GRIA1: variants seen among roughly 807,000 people sequenced by gnomAD.
The protein encoded by GRIA1 is glutamate ionotropic receptor AMPA type subunit 1, also known as glutamate receptor 1.
In GRIA1, 31 loss-of-function variants were observed where a neutral mutation model predicts 99.2. That is an observed-to-expected ratio of 0.31 (90% confidence interval 0.23 to 0.42). GRIA1 has a LOEUF of 0.42. GRIA1 is among the 10% of genes least tolerant of loss of function. The pLI is 1.00. For missense variants in GRIA1, 782 were observed against 1,157.5 expected (o/e 0.68, Z 4.71); for synonymous variants, 438 against 432.4 (o/e 1.01, Z -0.16).
intron 13 of GRIA1, among the ~76,000 whole-genome samples, chr5:153,784,703 T>C (rs1764861103): frequency 6.6e-6 from 1 of 152,164 alleles, no homozygotes; most frequent in Non-Finnish European, 1.5e-5. Flanking sequence ...AGTTCACTCA[T>C]CACCCCAACC....
intron 11 of GRIA1, among the ~76,000 whole-genome samples, chr5:153,749,875 T>C (rs1762400921): frequency 6.6e-6 from 1 of 152,094 alleles, no homozygotes; most frequent in Non-Finnish European, 1.5e-5. Flanking sequence ...CGATTCTCTT[T>C]GAAATATAGC....
rs533997764 is a variant in GRIA1, at chr5:153,785,066, C to T, written c.2271-9555C>T. 2.6e-5 allele frequency among the ~76,000 whole-genome samples: 4 copies of T among 152,204 alleles called. No individual in the cohort carries two copies. In the South Asian group the frequency reaches 6.2e-4, roughly 24 times the overall value. On this transcript the variant is annotated intron_variant, in intron 13 of 15. Coordinates refer to ENST00000285900, the MANE Select transcript of GRIA1 (RefSeq NM_000827.4). ...CATCCCCTCGAAATGGTTTTTTATC[C>T]TCCACAGGCCTATGTGTGAGGGACT... is the stretch of plus-strand genomic sequence containing the variant.
chr5:153,646,910 C>A lies in GRIA1; in HGVS notation c.221-18C>A. ...TTTTTGCAGTCTTCTATTCATTAAT[C>A]CTTCTCTTCTCTTGTAGTCTGTTCC... On this transcript the variant is annotated intron_variant, in intron 2 of 15. Coordinates refer to ENST00000285900, the MANE Select transcript of GRIA1 (RefSeq NM_000827.4). 2 of 1,612,302 alleles carry A rather than the reference C, an allele frequency of 1.2e-6. No homozygotes were observed. Among genetic ancestry groups the A allele is most frequent in the Non-Finnish European group, 1.7e-6 (2 of 1,178,970 alleles).
intron 11 of GRIA1, among the ~76,000 whole-genome samples, chr5:153,756,161 C>G (rs538617774): frequency 1.3e-5 from 2 of 152,366 alleles, no homozygotes; most frequent in South Asian, 4.1e-4. Context: ...GGGAAACTCA[C>G]TCATACCTCA....
intron 11 of GRIA1, among the ~76,000 whole-genome samples, chr5:153,741,591 C>G (rs189359686): frequency 2.4e-4 from 36 of 152,256 alleles, no homozygotes; most frequent in Middle Eastern, 3.4e-3. Context: ...AGGAAATTCT[C>G]TAATATACAA....
chr5:153,673,481 TA>T (rs1756347979), intron 5 of GRIA1, among the ~76,000 whole-genome samples: 1 of 152,230 alleles, frequency 6.6e-6, no homozygotes, highest in Non-Finnish European at 1.5e-5. Context: ...TATTCACTAT[TA>T]GAATAGTGCA....
chr5:153,506,225 C>T (rs1755475496), intron 2 of GRIA1, among the ~76,000 whole-genome samples: 4 of 151,952 alleles, frequency 2.6e-5, no homozygotes, highest in Admixed American at 2.6e-4. Flanking sequence ...TATGCTAGGG[C>T]ATTCCTAACC....
chr5:153,660,553 G>T (rs1755293289), intron 5 of GRIA1, among the ~76,000 whole-genome samples: 1 of 152,202 alleles, frequency 6.6e-6, no homozygotes, highest in African/African-American at 2.4e-5. Flanking sequence ...AAGAGAGGGG[G>T]TTGTCCTGGA....
chr5:153,754,167 C>A (rs750720583), intron 11 of GRIA1, among the ~76,000 whole-genome samples: 6 of 152,104 alleles, frequency 3.9e-5, no homozygotes, highest in Non-Finnish European at 7.4e-5. Context: ...CAGCTCCCTG[C>A]GTTTAGTATG....
At chr5:153,590,795 T>C (rs569123203) in intron 2 of GRIA1, among the ~76,000 whole-genome samples, 1 of 152,332 alleles carries the variant, frequency 6.6e-6, no homozygotes, top group African/African-American at 2.4e-5. Flanking sequence ...GTTTTTAAAC[T>C]TTATTTTCAA....
At chr5:153,522,516 TG>T (rs1757242002) in intron 2 of GRIA1, among the ~76,000 whole-genome samples, 1 of 152,158 alleles carries the variant, frequency 6.6e-6, no homozygotes, top group Non-Finnish European at 1.5e-5. Context: ...CAAACTTCCA[TG>T]GGCTAATATA....
intron 10 of GRIA1, among the ~76,000 whole-genome samples, chr5:153,701,629 A>AAAAAAAAAAAAAAAG (rs1758532245): frequency 6.8e-6 from 1 of 148,142 alleles, no homozygotes; most frequent in Non-Finnish European, 1.5e-5. Flanking sequence ...CAAAAAAAAA[A>AAAAAAAAAAAAAAAG]AAAAAAAAAA....
intron 5 of GRIA1, among the ~76,000 whole-genome samples, chr5:153,673,735 C>T (rs895904452): frequency 1.3e-4 from 20 of 152,338 alleles, no homozygotes; most frequent in African/African-American, 4.6e-4. Flanking sequence ...TATGAAAGTA[C>T]TGCACATTAT....
chr5:153,756,197 G>A (rs181475073), intron 11 of GRIA1, among the ~76,000 whole-genome samples: 110 of 152,332 alleles, frequency 7.2e-4, no homozygotes, highest in Non-Finnish European at 1.1e-3. Flanking sequence ...CTGTCCATAG[G>A]AACCTCTGTG....
intron 2 of GRIA1, among the ~76,000 whole-genome samples, chr5:153,499,562 C>T (rs1754765488): frequency 7.5e-6 from 1 of 133,738 alleles, no homozygotes; most frequent in Non-Finnish European, 1.5e-5. Flanking sequence ...TTGCATTGAG[C>T]CAAGATCACG....
chr5:153,546,360 T>A (rs574603569), intron 2 of GRIA1, among the ~76,000 whole-genome samples: 26 of 152,168 alleles, frequency 1.7e-4, no homozygotes, highest in Non-Finnish European at 2.8e-4. Context: ...ACCTGGAGCT[T>A]TACATTTTAT....
At chr5:153,744,173 G>T (rs1169589510) in intron 11 of GRIA1, among the ~76,000 whole-genome samples, 1 of 152,242 alleles carries the variant, frequency 6.6e-6, no homozygotes, top group South Asian at 2.1e-4. Flanking sequence ...TGAGAAAAAG[G>T]GGGAGAGATA....
chr5:153,797,190 G>A (rs561055724), intron 14 of GRIA1, among the ~76,000 whole-genome samples: 1 of 152,318 alleles, frequency 6.6e-6, no homozygotes, highest in East Asian at 1.9e-4. Context: ...CCTGCTCAGG[G>A]TCAGGTTTCC....
chr5:153,515,206 T>C (rs1436010577), intron 2 of GRIA1, among the ~76,000 whole-genome samples: 2 of 152,120 alleles, frequency 1.3e-5, no homozygotes, highest in African/African-American at 4.8e-5. Context: ...TTACAATAGT[T>C]AAGATATGGA....
Sources: allele counts gnomAD v4.1 joint callset (sites outside exome capture counted in the v4.1 genomes callset), GRCh38; gene constraint gnomAD v4.1.1; transcripts MANE v1.5; gene names NCBI Gene and HGNC (gene_info 2026-07-23, HGNC 2026-07-21).